Variants in HDGFL3 observed in about 807,000 individuals in gnomAD.
HDGFL3 encodes HDGF like 3.
Under a neutral mutation model 27.6 loss-of-function variants are expected in HDGFL3, and 6 were observed. The observed-to-expected ratio is 0.22, with a 90% CI of 0.12 to 0.43. The LOEUF (loss-of-function observed/expected upper bound fraction) is 0.43. HDGFL3 is among the 20% of genes least tolerant of loss of function. The pLI is 1.00. For missense variants in HDGFL3, 207 were observed against 250.1 expected (o/e 0.83, Z 1.16); for synonymous variants, 88 against 88.9 (o/e 0.99, Z 0.05).
intron 2 of HDGFL3, among the ~76,000 whole-genome samples, chr15:83,161,818 T>TA (rs1310252798): frequency 6.6e-6 from 1 of 152,208 alleles, no homozygotes; most frequent in East Asian, 1.9e-4. Context: ...CTATATGTTT[T>TA]AAAATTTTTT....
Position 83,131,710 on chromosome 15 carries a change from C to T in HDGFL3, c.*7560G>A, listed in dbSNP as rs1432329443. On this transcript the variant is annotated 3_prime_UTR_variant, in exon 6 of 6. Coordinates refer to ENST00000299633, the MANE Select transcript of HDGFL3 (RefSeq NM_016073.4). ...TGTAGGAGTCTGCCAAATCTGCTGC[C>T]TTCAGAAATCAAAAGATCAAGGAAA... 3 of 152,094 alleles carry T rather than the reference C, an allele frequency of 2.0e-5. No homozygotes were observed. Among genetic ancestry groups the T allele is most frequent in the African/African-American group, 7.2e-5 (3 of 41,402 alleles). The allele number at this position is 152,094 out of a possible 1,614,324, so 9.4% of individuals were successfully genotyped here.
intron 1 of HDGFL3, among the ~76,000 whole-genome samples, chr15:83,182,911 A>T (rs1434572553): frequency 1.3e-5 from 2 of 152,240 alleles, no homozygotes; most frequent in Non-Finnish European, 2.9e-5. Flanking sequence ...AAATGTGATA[A>T]AACAAATTTA....
chr15:83,192,295 C>A (rs1438827737), intron 1 of HDGFL3: 2 of 454,718 alleles, frequency 4.4e-6, no homozygotes, highest in East Asian at 7.0e-5. Context: ...TGACTTTCTG[C>A]CAAAAGTTCC....
At chr15:83,145,521 GAGA>G (rs1051384672) in intron 5 of HDGFL3, among the ~76,000 whole-genome samples, 25 of 152,176 alleles carry the variant, frequency 1.6e-4, no homozygotes, top group Middle Eastern at 3.4e-3. Context: ...CCTGGAGGTG[GAGA>G]AGGTGTCCTT....
At position 83,129,423 on chromosome 15, in the gene HDGFL3, T is replaced by C. The variant is rs1252122417; in HGVS notation, c.*9847A>G. Reference sequence around the variant, plus strand: ...ACTGAGGGGAGGCTGGTGACTGTGGTCTTCCTGCCTGCCTCAGAATAAACA... The same window carrying C: ...ACTGAGGGGAGGCTGGTGACTGTGGCCTTCCTGCCTGCCTCAGAATAAACA... On this transcript the variant is annotated 3_prime_UTR_variant, in exon 6 of 6. Coordinates refer to ENST00000299633, the MANE Select transcript of HDGFL3 (RefSeq NM_016073.4). 6.6e-6 allele frequency: 1 copy of C among 152,154 alleles called. No homozygotes were observed. Among genetic ancestry groups the C allele is most frequent in the African/African-American group, 2.4e-5 (1 of 41,418 alleles). 9.4% of individuals were successfully genotyped at this position (152,154 alleles called of 1,614,324 possible). A position where few individuals can be genotyped will look rare whatever the true frequency, so the allele number is the denominator to read the frequency against.
intron 5 of HDGFL3, among the ~76,000 whole-genome samples, chr15:83,140,400 A>T (rs1245500114): frequency 6.6e-6 from 1 of 152,048 alleles, no homozygotes; most frequent in East Asian, 1.9e-4. Flanking sequence ...ATACTCACAG[A>T]TACTTTGGAG....
At chr15:83,174,592 T>C (rs1397094934) in intron 1 of HDGFL3, among the ~76,000 whole-genome samples, 1 of 152,064 alleles carries the variant, frequency 6.6e-6, no homozygotes, top group Non-Finnish European at 1.5e-5. Context: ...TTTAAATGTA[T>C]AGTTTAGTAG....
chr15:83,122,312 C>A (rs1035920884), intron 3 of HDGFL3, among the ~76,000 whole-genome samples: 1 of 151,828 alleles, frequency 6.6e-6, no homozygotes, highest in Non-Finnish European at 1.5e-5. Flanking sequence ...TATGTTAACT[C>A]CTGACACACT....
At chr15:83,123,064 G>A (rs2035421083), downstream of HDGFL3, among the ~76,000 whole-genome samples, 1 of 152,206 alleles carries the variant, frequency 6.6e-6, no homozygotes, top group East Asian at 1.9e-4. Context: ...GTCTGTTTCT[G>A]TCTGAATACA....
intron 1 of HDGFL3, among the ~76,000 whole-genome samples, chr15:83,203,829 C>T (rs1217274303): frequency 1.3e-5 from 2 of 150,540 alleles, no homozygotes; most frequent in Non-Finnish European, 1.5e-5. Flanking sequence ...ATAGTAGTAA[C>T]AGAAAGCACA....
At chr15:83,147,216 C>T (rs921665737) in intron 5 of HDGFL3, among the ~76,000 whole-genome samples, 1 of 152,070 alleles carries the variant, frequency 6.6e-6, no homozygotes, top group African/African-American at 2.4e-5. Flanking sequence ...GCACGCACCA[C>T]AACACTCAGC....
downstream of HDGFL3, chr15:83,126,802 T>C (rs2035791981): frequency 1.2e-6 from 2 of 1,614,016 alleles, no homozygotes; most frequent in Admixed American, 1.7e-5. Flanking sequence ...ATACGCAATT[T>C]CAAGAGCCCT....
chr15:83,194,385 T>G lies in HDGFL3; in HGVS notation c.84+12946A>C, dbSNP rs528145334. ...TAGAGACACAAAGTGGAGAGGTGATTGCCAGGGACTAGGAGGCAGGGAATG... is the reference window on the plus strand; with the variant it reads ...TAGAGACACAAAGTGGAGAGGTGATGGCCAGGGACTAGGAGGCAGGGAATG... On this transcript the variant is annotated intron_variant, in intron 1 of 5. Coordinates refer to ENST00000299633, the MANE Select transcript of HDGFL3 (RefSeq NM_016073.4). Among the ~76,000 whole-genome samples the G allele has an allele frequency of 3.9e-5, 6 of 152,334 alleles. No individual in the cohort carries two copies. The East Asian group carries it at 1.2e-3, about 29-fold the overall frequency.
At chr15:83,174,113 C>T (rs1164098242) in intron 1 of HDGFL3, among the ~76,000 whole-genome samples, 2 of 152,160 alleles carry the variant, frequency 1.3e-5, no homozygotes, top group African/African-American at 4.8e-5. Context: ...CCCTGAGTTT[C>T]AAATCTGTAA....
chr15:83,192,122 TG>T, intron 1 of HDGFL3: 1 of 296,848 alleles, frequency 3.4e-6, no homozygotes, highest in South Asian at 2.9e-5. Flanking sequence ...TTTGTATTTT[TG>T]TAGAGGTGGG....
rs531935455 is a variant in HDGFL3 at position 83,155,582 on chromosome 15, C to T, written c.459+1833G>A. Among the ~76,000 whole-genome samples the T allele has an allele frequency of 9.9e-5, 15 of 152,274 alleles. No homozygotes were observed. In the South Asian group the frequency reaches 2.9e-3, roughly 29 times the overall value. Reference sequence around the variant, plus strand: ...ACAAGAAAAATTCTAATTACTTTGTCGTCATTTGCAAACTTTATCCCCATC... The same window carrying T: ...ACAAGAAAAATTCTAATTACTTTGTTGTCATTTGCAAACTTTATCCCCATC... On this transcript the variant is annotated intron_variant, in intron 4 of 5. Coordinates refer to ENST00000299633, the MANE Select transcript of HDGFL3 (RefSeq NM_016073.4).
At chr15:83,147,980 G>T in intron 5 of HDGFL3, among the ~76,000 whole-genome samples, 1 of 152,060 alleles carries the variant, frequency 6.6e-6, no homozygotes, top group East Asian at 1.9e-4. Context: ...CAAAACACGC[G>T]CTGTACAGAA....
chr15:83,165,985 T>C (rs951030988), intron 1 of HDGFL3, among the ~76,000 whole-genome samples: 1 of 152,096 alleles, frequency 6.6e-6, no homozygotes, highest in East Asian at 1.9e-4. Flanking sequence ...TTACTGACAT[T>C]TCTAAGAGAG....
chr15:83,153,339 G>T (rs1217786603), intron 4 of HDGFL3, among the ~76,000 whole-genome samples: 1 of 151,952 alleles, frequency 6.6e-6, no homozygotes, highest in East Asian at 1.9e-4. Flanking sequence ...TCATAATAAT[G>T]AACAACTCCC....
Sources: allele counts gnomAD v4.1 joint callset (sites outside exome capture counted in the v4.1 genomes callset), GRCh38; gene constraint gnomAD v4.1.1; transcripts MANE v1.5; gene names NCBI Gene and HGNC (gene_info 2026-07-23, HGNC 2026-07-21).